MGAT4C: variants seen among roughly 807,000 people sequenced by gnomAD.
MGAT4C encodes the protein alpha-1,3-mannosyl-glycoprotein 4-beta-N-acetylglucosaminyltransferase C.
MGAT4C carries 19 observed loss-of-function variants against 40.1 expected under a neutral mutation model. That is an observed-to-expected ratio of 0.47 (90% CI 0.33 to 0.70). The LOEUF (loss-of-function observed/expected upper bound fraction) is 0.70. Ranked by LOEUF, MGAT4C falls within the 30% of genes least tolerant of loss-of-function variation. The pLI is 0.02. For synonymous variants in MGAT4C, 181 were observed against 187.1 expected, an observed-to-expected ratio of 0.97 and a Z score of 0.27; for missense variants, 491 against 563.2, an observed-to-expected ratio of 0.87 and a Z score of 1.30.
At chr12:86,009,353 T>C (rs1888223020) in intron 2 of MGAT4C, among the ~76,000 whole-genome samples, 1 of 152,208 alleles carries the variant, frequency 6.6e-6, no homozygotes, top group African/African-American at 2.4e-5. Context: ...CCATAATGAA[T>C]GCTCAGACAT....
chr12:86,372,177 A>G (rs901996342), intron 3 of MGAT4C, among the ~76,000 whole-genome samples: 2 of 151,906 alleles, frequency 1.3e-5, no homozygotes, highest in African/African-American at 2.4e-5. Context: ...TTCAGAATAT[A>G]GCAGTTCATG....
chr12:86,088,963 T>C (rs1226204774), intron 1 of MGAT4C, among the ~76,000 whole-genome samples: 1 of 152,020 alleles, frequency 6.6e-6, no homozygotes, highest in East Asian at 1.9e-4. Context: ...TTCATCGAGG[T>C]GCACTTTAGA....
At chr12:86,573,594 T>C (rs1281129393) in intron 2 of MGAT4C, among the ~76,000 whole-genome samples, 1 of 152,008 alleles carries the variant, frequency 6.6e-6, no homozygotes, top group African/African-American at 2.4e-5. Context: ...ATTACCATTC[T>C]AGAATATGGC....
At chr12:86,150,632 T>C (rs1884155718) in intron 1 of MGAT4C, among the ~76,000 whole-genome samples, 1 of 152,190 alleles carries the variant, frequency 6.6e-6, no homozygotes, top group South Asian at 2.1e-4. Flanking sequence ...GTGCAGTATG[T>C]GGTGGTTTAT....
Position 86,332,902 on chromosome 12 carries a change from GT to G in MGAT4C, c.-57+1162del, listed in dbSNP as rs371464890. On this transcript the variant is annotated intron_variant, in intron 4 of 7. Coordinates refer to the MGAT4C transcript ENST00000548651. ...CACTTGCATATTAAGTGATAGTCAAGTTTTTGTGAATCCTTTTGCTGTTGAA... is the reference window on the plus strand; with the variant it reads ...CACTTGCATATTAAGTGATAGTCAAGTTTTGTGAATCCTTTTGCTGTTGAA... 5.3e-4 allele frequency among the ~76,000 whole-genome samples: 81 copies of G among 152,204 alleles called. No individual in the cohort carries two copies. The South Asian group carries it at 0.016, about 30-fold the overall frequency.
At chr12:86,442,747 T>A (rs1957255501) in intron 2 of MGAT4C, among the ~76,000 whole-genome samples, 1 of 143,530 alleles carries the variant, frequency 7.0e-6, no homozygotes, top group Non-Finnish European at 1.5e-5. Context: ...TGTTGACTGG[T>A]CAACAAAGAG....
intron 1 of MGAT4C, among the ~76,000 whole-genome samples, chr12:86,815,888 T>C (rs1006655190): frequency 2.0e-5 from 3 of 151,634 alleles, no homozygotes; most frequent in African/African-American, 2.4e-5. Context: ...ACTACAAATA[T>C]GGAGCAGTGT....
At chr12:86,299,179 G>A (rs1434359079) in intron 4 of MGAT4C, among the ~76,000 whole-genome samples, 3 of 152,088 alleles carry the variant, frequency 2.0e-5, no homozygotes, top group African/African-American at 7.2e-5. Flanking sequence ...GCAGTGGCGC[G>A]ATCTCGGCTC....
intron 1 of MGAT4C, among the ~76,000 whole-genome samples, chr12:86,175,983 A>G (rs551240368): frequency 6.6e-6 from 1 of 152,180 alleles, no homozygotes; most frequent in South Asian, 2.1e-4. Context: ...ACAAACAAAG[A>G]AAAACAAATA....
chr12:86,283,754 C>T (rs1312239968), intron 4 of MGAT4C, among the ~76,000 whole-genome samples: 1 of 152,030 alleles, frequency 6.6e-6, no homozygotes, highest in Non-Finnish European at 1.5e-5. Flanking sequence ...TTTAAAATGA[C>T]ACCTGGCTAC....
At chr12:86,317,576 G>C (rs921241539) in intron 4 of MGAT4C, among the ~76,000 whole-genome samples, 1 of 152,082 alleles carries the variant, frequency 6.6e-6, no homozygotes, top group African/African-American at 2.4e-5. Context: ...GGAAGGATGT[G>C]TGACTGGGAT....
rs948520804 is a variant in MGAT4C, at chr12:86,500,895, T to A, written c.-228-65630A>T. ...AATCGAATTTGATTTATTGCTTGAATGTAATCTTAGTTTATCATGTGAAAA... is the reference window on the plus strand; with the variant it reads ...AATCGAATTTGATTTATTGCTTGAAAGTAATCTTAGTTTATCATGTGAAAA... On this transcript the variant is annotated intron_variant, in intron 2 of 7. Coordinates refer to the MGAT4C transcript ENST00000548651. Among the ~76,000 whole-genome samples the A allele has an allele frequency of 5.3e-4, 80 of 152,106 alleles. 1 individual carries two copies. The highest frequency in any genetic ancestry group is 1.8e-3 in the African/African-American group (74 of 41,456).
At chr12:86,508,132 T>C (rs907681476) in intron 2 of MGAT4C, among the ~76,000 whole-genome samples, 17 of 152,278 alleles carry the variant, frequency 1.1e-4, no homozygotes, top group Admixed American at 3.9e-4. Flanking sequence ...TATGTATACA[T>C]GTGCCATGCT....
intron 3 of MGAT4C, among the ~76,000 whole-genome samples, chr12:86,379,750 C>T (rs1159581565): frequency 6.6e-6 from 1 of 152,028 alleles, no homozygotes; most frequent in Non-Finnish European, 1.5e-5. Flanking sequence ...CTAAGGCTTG[C>T]TCGTTTCTAT....
intron 3 of MGAT4C, among the ~76,000 whole-genome samples, chr12:86,429,337 T>C (rs1355039283): frequency 1.3e-5 from 2 of 152,200 alleles, no homozygotes; most frequent in Non-Finnish European, 2.9e-5. Context: ...TGATATAATT[T>C]ATATTTTTTA....
intron 1 of MGAT4C, among the ~76,000 whole-genome samples, chr12:86,238,657 T>A (rs1951651717): frequency 2.0e-5 from 3 of 152,010 alleles, no homozygotes; most frequent in African/African-American, 7.2e-5. Context: ...AGCACAATAA[T>A]AAAATATAGA....
At chr12:86,008,102 A>G (rs1258706781) in intron 2 of MGAT4C, among the ~76,000 whole-genome samples, 3 of 152,158 alleles carry the variant, frequency 2.0e-5, no homozygotes, top group East Asian at 1.9e-4. Flanking sequence ...TTGCATTACT[A>G]TGGAAGTTTT....
intron 1 of MGAT4C, among the ~76,000 whole-genome samples, chr12:86,832,931 A>AT (rs956816272): frequency 1.5e-5 from 1 of 67,022 alleles, no homozygotes; most frequent in Non-Finnish European, 4.1e-5. Context: ...AAATGTTATG[A>AT]TTTTTTTTCA....
intron 2 of MGAT4C, among the ~76,000 whole-genome samples, chr12:86,000,986 C>T (rs1055968446): frequency 6.6e-6 from 1 of 152,138 alleles, no homozygotes; most frequent in African/African-American, 2.4e-5. Flanking sequence ...CCTGCGTTTG[C>T]ACCATCAAGA....
Sources: allele counts gnomAD v4.1 joint callset (sites outside exome capture counted in the v4.1 genomes callset), GRCh38; gene constraint gnomAD v4.1.1; transcripts MANE v1.5; gene names NCBI Gene and HGNC (gene_info 2026-07-23, HGNC 2026-07-21).